ELMO3: variants seen among roughly 807,000 people sequenced by gnomAD.
ELMO3 encodes the protein engulfment and cell motility 3, also known as engulfment and cell motility protein 3.
In ELMO3, 81 loss-of-function variants were observed where a neutral mutation model predicts 89.0. That is an observed-to-expected ratio of 0.91 (90% CI 0.76 to 1.09). The LOEUF (loss-of-function observed/expected upper bound fraction) is 1.09. Ranked by LOEUF, ELMO3 falls within the 50% of genes least tolerant of loss-of-function variation. ELMO3 has a pLI of 0.00. For missense variants in ELMO3, 959 were observed against 972.8 expected, an observed-to-expected ratio of 0.99 and a Z score of 0.19; for synonymous variants, 406 against 400.6, an observed-to-expected ratio of 1.01 and a Z score of -0.16.
chr16:67,202,367 C>T, intron 13 of ELMO3, 30 bp from the exon 14 acceptor site: 4 of 1,613,674 alleles, frequency 2.5e-6, no homozygotes, highest in Non-Finnish European at 2.5e-6. Context: ...TGCACTTTCT[C>T]CCTGAGCCCC....
rs902946180 is a variant in ELMO3 at position 67,200,209 on chromosome 16, G to C, written c.261G>C (p.Gln87His). 7 of 1,613,130 alleles carry C rather than the reference G, an allele frequency of 4.3e-6. No homozygotes were observed. Among genetic ancestry groups the C allele is most frequent in the Non-Finnish European group, 5.9e-6 (7 of 1,179,598 alleles). ...CCTGCCAGGACCTTGAGGCTGAGCA[G>C]CTCTTGGGTGGGCTGCAGAGTAACA... The part of the protein sequence containing the change: ...LSTAPDLEAE[Q>H]LLGGLQSNSP... Residue 87 changes from glutamine (Q) to histidine (H), a missense_variant, in exon 5 of 20, where the codon CAG becomes CAC. Coordinates refer to ENST00000393997, the MANE Select transcript of ELMO3 (RefSeq NM_024712.5).
Position 67,199,352 on chromosome 16 carries a change from A to G in ELMO3, c.26A>G (p.Lys9Arg), listed in dbSNP as rs764117710. 1 of 1,610,762 alleles carries G rather than the reference A, an allele frequency of 6.2e-7. No homozygotes were observed. Among genetic ancestry groups the G allele is most frequent in the Admixed American group, 1.7e-5 (1 of 60,006 alleles). Residue 9 changes from lysine (K) to arginine (R), a missense_variant, in exon 1 of 20, where the codon AAG becomes AGG. Transcript: ENST00000393997. ...ATGGCGCCTCCGCGGAACGTGGTGA[A>G]GATTGCCATCAAGATGCGTGACGCC... is the stretch of plus-strand genomic sequence containing the variant. MAPPRNVVKIAIKMRDAIP... is the reference protein window; with the variant it reads MAPPRNVVRIAIKMRDAIP...
Position 67,203,180 on chromosome 16 carries a change from G to A in ELMO3, c.1737G>A (p.Glu579=). The A allele has an allele frequency of 6.2e-7, 1 of 1,611,714 alleles. No individual in the cohort carries two copies. The highest frequency in any genetic ancestry group is 8.5e-7 in the Non-Finnish European group (1 of 1,179,812). ...NHKLLQYGDM[E]EGASPPTLES... ...AGCTGCTGCAGTACGGAGACATGGA[G>A]GAGGGCGCCAGCCCGCCTACCCTGG... Residue 579 remains glutamate (E), a synonymous_variant, in exon 17 of 20, where the codon GAG becomes GAA. Coordinates refer to ENST00000393997, the MANE Select transcript of ELMO3 (RefSeq NM_024712.5). This position sits in a 1 kb window ranked among gnomAD's most constrained non-coding sequence, Gnocchi z 4.6.
rs1567692152 is a variant in ELMO3, at chr16:67,201,656, G to GT, written c.918+15dup. ...CCCTACAGCCAGGTGTGTGTCTTTG[G>GT]TGAGGACAAGGCAGGGGGTGGCTTA... On this transcript the variant is annotated intron_variant, in intron 10 of 19. Transcript: ENST00000393997. The GT allele has an allele frequency of 1.9e-6, 3 of 1,611,134 alleles. No homozygotes were observed. Among genetic ancestry groups the GT allele is most frequent in the Non-Finnish European group, 2.5e-6 (3 of 1,179,902 alleles).
chr16:67,203,079 A>T lies in ELMO3; in HGVS notation c.1676-40A>T, dbSNP rs745894527. 9 of 1,593,170 alleles carry T rather than the reference A, an allele frequency of 5.6e-6. No individual in the cohort carries two copies. In the African/African-American group the frequency reaches 1.2e-4, roughly 21 times the overall value. On this transcript the variant is annotated intron_variant, in intron 16 of 19. Transcript: ENST00000393997. This position sits in a 1 kb window ranked among gnomAD's most constrained non-coding sequence, Gnocchi z 4.6. ...AGAGGGCGGCTGGCTTGGTGTCAGG[A>T]CCTCTCAGCACTCTGGCCCTCTTCC...
chr16:67,201,487 C>T (rs776596771), intron 9 of ELMO3, 33 bp from the exon 10 acceptor site: 5 of 1,614,010 alleles, frequency 3.1e-6, no homozygotes, highest in South Asian at 1.1e-5. Flanking sequence ...CCCCGTGAGC[C>T]CTCGCTTACA....
chr16:67,200,621 A>C, intron 6 of ELMO3, 36 bp from the exon 7 acceptor site: 2 of 1,609,644 alleles, frequency 1.2e-6, no homozygotes, highest in Non-Finnish European at 1.7e-6. Flanking sequence ...CCGGTCTTCC[A>C]TGGGGGTGAG....
rs201261849 is a variant in ELMO3 at position 67,201,573 on chromosome 16, C to T, written c.849C>T (p.Tyr283=). The change falls in exon 10 of 20, where the codon TAC becomes TAT. Residue 283 remains tyrosine, a synonymous_variant. Coordinates refer to ENST00000393997, the MANE Select transcript of ELMO3 (RefSeq NM_024712.5). The part of the protein sequence containing the change: ...PMGDEMAHHL[Y]VLQALMLGLL... ...GCGACGAGATGGCTCATCACCTGTA[C>T]GTACTGCAGGCTCTCATGCTGGGGC... is the stretch of plus-strand genomic sequence containing the variant. The T allele has an allele frequency of 1.9e-4, 302 of 1,614,016 alleles. No individual in the cohort carries two copies. The highest frequency in any genetic ancestry group is 3.3e-4 in the Admixed American group (20 of 60,022).
In ELMO3 at chr16:67,202,613, T is replaced by C. The variant is rs1226982949; in HGVS notation, c.1399-14T>C. 1.2e-6 allele frequency: 2 copies of C among 1,613,148 alleles called. No homozygotes were observed. The highest frequency in any genetic ancestry group is 1.7e-6 in the Non-Finnish European group (2 of 1,179,848). ...ACAGAGCTTAGGCCCTGAGCTGAGC[T>C]TGGGCGGCCCCAGGTCATGCAGGTG... On this transcript the variant is annotated splice_polypyrimidine_tract_variant and intron_variant, in intron 14 of 19. Transcript: ENST00000393997.
chr16:67,200,660 G>A lies in ELMO3; in HGVS notation c.517G>A (p.Val173Met). 1 of 1,612,610 alleles carries A rather than the reference G, an allele frequency of 6.2e-7. No individual in the cohort carries two copies. Among genetic ancestry groups the A allele is most frequent in the Non-Finnish European group, 8.5e-7 (1 of 1,179,388 alleles). Residue 173 changes from valine to methionine, a missense_variant, in exon 7 of 20, where the codon GTG (valine) becomes ATG (methionine). Transcript: ENST00000393997. ...TLSIPFVRKV[V>M]CYVNMNLMDA... The stretch of plus-strand genomic sequence containing the variant: ...GTGACACCCCCGCCCCTTACAGGTG[G>A]TGTGCTACGTGAACATGAACCTCAT...
Position 67,203,140 on chromosome 16 carries a change from T to C in ELMO3, c.1697T>C (p.Leu566Pro). ...RRQDKLWFCCLSPNHKLLQYG... is the reference protein window; with the variant it reads ...RRQDKLWFCCPSPNHKLLQYG... ...GCAGATAAGCTGTGGTTCTGCTGCC[T>C]GTCCCCCAACCACAAGCTGCTGCAG... The change falls in exon 17 of 20, where the codon CTG (leucine) becomes CCG (proline). Residue 566 changes from leucine to proline, a missense_variant. Leu to Pro is a moderately conservative substitution (Grantham distance 98). Transcript: ENST00000393997. This position sits in a 1 kb window ranked among gnomAD's most constrained non-coding sequence, Gnocchi z 4.6. 2 of 1,611,916 alleles carry C rather than the reference T, an allele frequency of 1.2e-6. No homozygotes were observed. The highest frequency in any genetic ancestry group is 1.7e-6 in the Non-Finnish European group (2 of 1,179,542).
chr16:67,199,489 C>A (rs2033045110), intron 1 of ELMO3, 64 bp from the exon 2 acceptor site: 2 of 1,554,304 alleles, frequency 1.3e-6, no homozygotes, highest in Non-Finnish European at 8.7e-7. Flanking sequence ...CGCCCCACCC[C>A]TCCCCCCAGG....
At position 67,202,678 on chromosome 16, in the gene ELMO3, A is replaced by G; in HGVS notation, c.1450A>G (p.Thr484Ala). The G allele has an allele frequency of 1.9e-6, 3 of 1,613,134 alleles. No individual in the cohort carries two copies. Among genetic ancestry groups the G allele is most frequent in the South Asian group, 1.1e-5 (1 of 91,052 alleles). ...GGCCCGCACTCTGGCCCTGAAGCCC[A>G]CTTCCCTGGAGCTCTTCCGAACCAA... is the stretch of plus-strand genomic sequence containing the variant. ...QLARTLALKPTSLELFRTKVN... is the reference protein window; with the variant it reads ...QLARTLALKPASLELFRTKVN... Residue 484 changes from threonine to alanine, a missense_variant, in exon 15 of 20, where the codon ACT becomes GCT. Transcript: ENST00000393997.
chr16:67,199,884 G>T, intron 3 of ELMO3, 67 bp from the exon 4 acceptor site: 2 of 1,610,938 alleles, frequency 1.2e-6, no homozygotes, highest in Middle Eastern at 1.7e-4. Flanking sequence ...CGCCCTCACC[G>T]ACACCCCAGT....
In ELMO3 at chr16:67,199,722, T is replaced by G; in HGVS notation, c.158T>G (p.Phe53Cys). 6.2e-7 allele frequency: 1 copy of G among 1,611,380 alleles called. No homozygotes were observed. Residue 53 changes from phenylalanine (F) to cysteine (C), a missense_variant, in exon 3 of 20, where the codon TTT becomes TGT. Coordinates refer to ENST00000393997, the MANE Select transcript of ELMO3 (RefSeq NM_024712.5). ...CACTCTGAGCGTTACGCCCTGCAGT[T>G]TGCGGATGGGCACCGGAGATACATC... is the stretch of plus-strand genomic sequence containing the variant. ...LTHSERYALQFADGHRRYITE... is the reference protein window; with the variant it reads ...LTHSERYALQCADGHRRYITE...
chr16:67,200,340 C>G lies in ELMO3; in HGVS notation c.392C>G (p.Thr131Ser), dbSNP rs1451679652. The G allele has an allele frequency of 6.2e-7, 1 of 1,613,780 alleles. No homozygotes were observed. The highest frequency in any genetic ancestry group is 8.5e-7 in the Non-Finnish European group (1 of 1,180,038). The change falls in exon 5 of 20, where the codon ACC (threonine) becomes AGC (serine). Residue 131 changes from threonine (T) to serine (S), a missense_variant. Physicochemically the swap from Thr to Ser is moderately conservative, Grantham distance 58. Transcript: ENST00000393997. ...CGTAATGGGCTCCAGATACTAGGCA[C>G]CATCATTGAAGATGGGGACGAGTGA... is the stretch of plus-strand genomic sequence containing the variant. ...ISRNGLQILG[T>S]IIEDGDDLGE...
In ELMO3 at chr16:67,199,242, T is replaced by G. The variant is rs2033036598; in HGVS notation, c.-85T>G. 19 of 1,611,488 alleles carry G rather than the reference T, an allele frequency of 1.2e-5. No individual in the cohort carries two copies. Among genetic ancestry groups the G allele is most frequent in the Non-Finnish European group, 1.5e-5 (18 of 1,179,480 alleles). On this transcript the variant is annotated 5_prime_UTR_variant, in exon 1 of 20. Coordinates refer to ENST00000393997, the MANE Select transcript of ELMO3 (RefSeq NM_024712.5). ...GTCTCGGAAAGGGAGGACCTCCTCG[T>G]CCCCAGGGGCCCCAGGCCAGGTGCA...
chr16:67,203,496 G>A lies in ELMO3; in HGVS notation c.1864-1G>A. On this transcript the variant is annotated splice_acceptor_variant, in intron 18 of 19. Transcript: ENST00000393997. LOFTEE classifies it high-confidence loss of function. The surrounding 1 kb of genome is among the most constrained non-coding windows in gnomAD (Gnocchi z 4.6). ...GTGTCCCCGCTCCCTTGCTTCCCCA[G>A]GACCTCTATGAGTTGGCCTTCTCAA... 1.3e-6 allele frequency: 2 copies of A among 1,564,404 alleles called. No homozygotes were observed. The highest frequency in any genetic ancestry group is 1.1e-5 in the South Asian group (1 of 90,366).
In ELMO3 at chr16:67,203,825, C is replaced by G. The variant is rs2033185889; in HGVS notation, c.2111C>G (p.Pro704Arg). ...PIPERPPPVP[P>R]PPTNFNFCYD... ...CCCGAGCGGCCACCCCCTGTGCCCC[C>G]ACCCCCCACCAACTTCAACTTCTGC... Residue 704 changes from proline (P) to arginine (R), a missense_variant, in exon 20 of 20, where the codon CCA becomes CGA. Physicochemically the swap from Pro to Arg is moderately radical, Grantham distance 103 (BLOSUM62 -2). Coordinates refer to ENST00000393997, the MANE Select transcript of ELMO3 (RefSeq NM_024712.5). This position sits in a 1 kb window ranked among gnomAD's most constrained non-coding sequence, Gnocchi z 4.6. 1 of 1,605,296 alleles carries G rather than the reference C, an allele frequency of 6.2e-7. No homozygotes were observed. Among genetic ancestry groups the G allele is most frequent in the African/African-American group, 1.3e-5 (1 of 74,830 alleles).
Sources: allele counts gnomAD v4.1 joint callset, GRCh38; gene constraint gnomAD v4.1.1; non-coding constraint Gnocchi (gnomAD v3.1); transcripts MANE v1.5; gene names NCBI Gene and HGNC (gene_info 2026-07-23, HGNC 2026-07-21).